SHROOM2: variants seen among roughly 807,000 people sequenced by gnomAD.
SHROOM2 encodes the protein protein Shroom2.
SHROOM2 carries 33 observed loss-of-function variants against 75.9 expected under a neutral mutation model. That is an observed-to-expected ratio of 0.43 (90% CI 0.33 to 0.58). SHROOM2 has a LOEUF of 0.58. Among genes scored for constraint, SHROOM2 ranks in the 20% least tolerant of loss-of-function variants. The pLI is 0.04. For synonymous variants in SHROOM2, 655 were observed against 663.6 expected (o/e 0.99, Z 0.20); for missense variants, 1,434 against 1,461.2 (o/e 0.98, Z 0.30).
At chrX:9,834,908 T>C (rs151186048) in intron 1 of SHROOM2, among the ~76,000 whole-genome samples, 1 of 111,850 alleles carries the variant, frequency 8.9e-6, no homozygotes, top group African/African-American at 3.3e-5. Context: ...TGTGCTGGCT[T>C]TGTTCTAAAA....
chrX:9,843,289 A>G (rs1355880214), intron 1 of SHROOM2, among the ~76,000 whole-genome samples: 3 of 110,282 alleles, frequency 2.7e-5, no homozygotes, highest in African/African-American at 9.9e-5. Context: ...GCAATGAACC[A>G]ATATTGCTAC....
intron 1 of SHROOM2, among the ~76,000 whole-genome samples, chrX:9,836,333 G>T (rs748041093): frequency 1.8e-5 from 2 of 111,744 alleles, no homozygotes; most frequent in East Asian, 5.7e-4. Flanking sequence ...CTCAGAGATT[G>T]CTGGACACAT....
chrX:9,924,149 G>A (rs886171997), intron 5 of SHROOM2, among the ~76,000 whole-genome samples: 9 of 112,134 alleles, frequency 8.0e-5, no homozygotes, highest in Admixed American at 1.9e-4. Context: ...GTTCAGGGCT[G>A]TTGTCCTCCC....
chrX:9,857,244 G>C (rs185565118), intron 1 of SHROOM2, among the ~76,000 whole-genome samples: 4 of 112,117 alleles, frequency 3.6e-5, no homozygotes, highest in Non-Finnish European at 7.5e-5. Context: ...AAAATAATGC[G>C]GAAGGAATTG....
intron 3 of SHROOM2, among the ~76,000 whole-genome samples, chrX:9,892,290 G>T (rs1336874928): frequency 9.3e-6 from 1 of 107,358 alleles, no homozygotes; most frequent in Non-Finnish European, 1.9e-5. Context: ...AAAAAATACT[G>T]GTCTGTAAAA....
chrX:9,914,519 G>T (rs2084468689), intron 5 of SHROOM2, among the ~76,000 whole-genome samples: 1 of 110,915 alleles, frequency 9.0e-6, no homozygotes, highest in Non-Finnish European at 1.9e-5. Context: ...CTGTCCTCGG[G>T]CACTGATTTC....
chrX:9,862,930 C>G (rs1001669863), intron 1 of SHROOM2, among the ~76,000 whole-genome samples: 1 of 112,061 alleles, frequency 8.9e-6, no homozygotes, highest in African/African-American at 3.2e-5. Flanking sequence ...TTAACCATCT[C>G]TTAGGTGGAT....
chrX:9,798,067 A>C (rs919621087), intron 1 of SHROOM2, among the ~76,000 whole-genome samples: 2 of 111,519 alleles, frequency 1.8e-5, no homozygotes, highest in African/African-American at 6.5e-5. Flanking sequence ...GTTGAAAGCC[A>C]GATGAAAGCC....
chrX:9,896,455 G>A lies in SHROOM2; in HGVS notation c.2547G>A (p.Gly849=). The change falls in exon 4 of 10, where the codon GGG becomes GGA. Residue 849 remains glycine, a synonymous_variant. Transcript: ENST00000380913. Reference sequence around the variant, plus strand: ...CCTGGTCGCGCACCACCTCCCTTGGGGACAGCCTCAACGCTCACAGCGCAG... The same window carrying A: ...CCTGGTCGCGCACCACCTCCCTTGGAGACAGCCTCAACGCTCACAGCGCAG... The part of the protein sequence containing the change: ...TEPWSRTTSL[G]DSLNAHSAAE... 1 of 1,211,525 alleles carries A rather than the reference G, an allele frequency of 8.3e-7. No homozygotes were observed. Among genetic ancestry groups the A allele is most frequent in the Middle Eastern group, 2.3e-4 (1 of 4,349 alleles).
intron 1 of SHROOM2, among the ~76,000 whole-genome samples, chrX:9,815,431 ATTATGTGTGTGTG>A (rs2083813436): frequency 1.7e-5 from 1 of 60,453 alleles, no homozygotes; most frequent in Admixed American, 2.4e-4. Context: ...AGATATACAT[ATTATGTGTGTGTG>A]TGTGTGTGTG....
chrX:9,806,903 T>C (rs2083756125), intron 1 of SHROOM2, among the ~76,000 whole-genome samples: 1 of 111,415 alleles, frequency 9.0e-6, no homozygotes, highest in Admixed American at 9.6e-5. Context: ...TTTGTATTTT[T>C]AGTCGAGCTG....
intron 5 of SHROOM2, among the ~76,000 whole-genome samples, chrX:9,912,198 GACACACACACACACACACACACAC>G (rs57939278): frequency 1.2e-4 from 2 of 16,146 alleles, no homozygotes; most frequent in African/African-American, 4.3e-4. Context: ...TAAATTACAA[GACACACACACACACACACACACAC>G]ACACACACAC....
At chrX:9,804,718 C>T (rs1264609730) in intron 1 of SHROOM2, among the ~76,000 whole-genome samples, 2 of 111,534 alleles carry the variant, frequency 1.8e-5, no homozygotes, top group African/African-American at 6.5e-5. Flanking sequence ...TGTCCCCAGA[C>T]CTCTGAAAAT....
At chrX:9,890,282 G>A (rs1032012836) in intron 2 of SHROOM2, among the ~76,000 whole-genome samples, 5 of 112,389 alleles carry the variant, frequency 4.4e-5, no homozygotes, top group African/African-American at 1.6e-4. Flanking sequence ...CAGGAGAATC[G>A]CTTGAACCTG....
At chrX:9,885,061 T>G (rs1035027475) in intron 2 of SHROOM2, among the ~76,000 whole-genome samples, 1 of 111,168 alleles carries the variant, frequency 9.0e-6, no homozygotes, top group Admixed American at 9.6e-5. Flanking sequence ...AATTTTTGAA[T>G]TAAATAAATA....
chrX:9,871,788 C>T (rs761011902), intron 1 of SHROOM2, among the ~76,000 whole-genome samples: 1 of 111,439 alleles, frequency 9.0e-6, no homozygotes, highest in East Asian at 2.8e-4. Flanking sequence ...TCCTGACCCC[C>T]CACCCCAAGA....
chrX:9,833,700 C>G (rs1193784756), intron 1 of SHROOM2, among the ~76,000 whole-genome samples: 1 of 108,979 alleles, frequency 9.2e-6, no homozygotes, highest in Non-Finnish European at 1.9e-5. Flanking sequence ...ACAGCCAGAA[C>G]TACTTTGGTT....
intron 2 of SHROOM2, among the ~76,000 whole-genome samples, chrX:9,886,752 C>G (rs2084263212): frequency 1.8e-5 from 2 of 111,624 alleles, no homozygotes; most frequent in Admixed American, 9.5e-5. Flanking sequence ...AAGGTTCTTC[C>G]ATGTTGTAGC....
chrX:9,830,099 A>G (rs1326816763), intron 1 of SHROOM2, among the ~76,000 whole-genome samples: 1 of 111,036 alleles, frequency 9.0e-6, no homozygotes, highest in African/African-American at 3.3e-5. Flanking sequence ...CCAGGAAGAG[A>G]CCCCTCACCG....
Sources: allele counts gnomAD v4.1 joint callset (sites outside exome capture counted in the v4.1 genomes callset), GRCh38; gene constraint gnomAD v4.1.1; transcripts MANE v1.5; gene names NCBI Gene and HGNC (gene_info 2026-07-23, HGNC 2026-07-21).